The following PCDH15 variants were observed in gnomAD, a reference collection of about 807,000 sequenced individuals.
PCDH15 encodes the protein protocadherin-15.
A neutral mutation model predicts 178.5 loss-of-function variants in PCDH15; 129 were observed. The observed-to-expected ratio is 0.72, with a 90% CI of 0.63 to 0.84. The LOEUF is 0.84. PCDH15 is among the 40% of genes least tolerant of loss of function. PCDH15 has a pLI of 0.00. For missense variants in PCDH15, 2,230 were observed against 2,099.9 expected (o/e 1.06, Z -1.21); for synonymous variants, 800 against 732.0 (o/e 1.09, Z -1.50).
At position 55,442,461 on chromosome 10, in the gene PCDH15, A is replaced by ATATAT. The variant is rs1554869581; in HGVS notation, c.-156+185159_-156+185163dup. ...AGATGTTTTCTTAATTTGATTATAT[A>ATATAT]TATATATATTATATATATATTATAT... On this transcript the variant is annotated intron_variant, in intron 2 of 5. Coordinates refer to the PCDH15 transcript ENST00000613346. 1.1e-4 allele frequency among the ~76,000 whole-genome samples: 8 copies of ATATAT among 72,372 alleles called. No individual in the cohort carries two copies. The South Asian group carries it at 1.4e-3, about 13-fold the overall frequency. 47.5% of individuals were successfully genotyped at this position (72,372 alleles called of 152,430 possible).
chr10:54,374,959 T>G (rs2134896463), intron 4 of PCDH15, among the ~76,000 whole-genome samples: 1 of 152,240 alleles, frequency 6.6e-6, no homozygotes, highest in Non-Finnish European at 1.5e-5. Flanking sequence ...TTTAATTCTA[T>G]TACAGCCATA....
chr10:54,290,143 G>C (rs2059298793), intron 8 of PCDH15, among the ~76,000 whole-genome samples: 1 of 152,180 alleles, frequency 6.6e-6, no homozygotes, highest in Non-Finnish European at 1.5e-5. Flanking sequence ...GGCAGCCAGA[G>C]AGAAAGGTCG....
intron 2 of PCDH15, among the ~76,000 whole-genome samples, chr10:54,609,851 CAGGGCTATTTATA>C (rs1323342782): frequency 6.6e-6 from 1 of 151,826 alleles, no homozygotes; most frequent in African/African-American, 2.4e-5. Flanking sequence ...TATGTGAAGG[CAGGGCTATTTATA>C]ATACATTAGA....
chr10:54,957,722 A>C (rs557118723), intron 2 of PCDH15, among the ~76,000 whole-genome samples: 1 of 151,676 alleles, frequency 6.6e-6, no homozygotes, highest in East Asian at 1.9e-4. Flanking sequence ...TACATCTCCA[A>C]CGTATCCAAT....
At chr10:55,009,935 C>T (rs564689306) in intron 2 of PCDH15, among the ~76,000 whole-genome samples, 9 of 152,128 alleles carry the variant, frequency 5.9e-5, no homozygotes, top group Non-Finnish European at 1.0e-4. Flanking sequence ...ACAAAATGTG[C>T]TGATGTTTCT....
intron 2 of PCDH15, among the ~76,000 whole-genome samples, chr10:55,101,353 C>A (rs1333792838): frequency 1.3e-5 from 2 of 151,518 alleles, no homozygotes; most frequent in Non-Finnish European, 2.9e-5. Context: ...TGTGCCACTG[C>A]ACTCCAGCCT....
intron 13 of PCDH15, among the ~76,000 whole-genome samples, chr10:54,180,987 A>G (rs2047934988): frequency 6.6e-6 from 1 of 152,176 alleles, no homozygotes; most frequent in Admixed American, 6.5e-5. Flanking sequence ...TGATCCCCTA[A>G]GGCAAACATT....
At chr10:55,386,439 T>TA (rs1290122086) in intron 2 of PCDH15, among the ~76,000 whole-genome samples, 2 of 152,046 alleles carry the variant, frequency 1.3e-5, no homozygotes, top group Non-Finnish European at 2.9e-5. Flanking sequence ...AAAATGAAGC[T>TA]ACTTTAAATA....
chr10:54,286,711 C>T (rs539035828), intron 8 of PCDH15, among the ~76,000 whole-genome samples: 2 of 152,184 alleles, frequency 1.3e-5, no homozygotes, highest in African/African-American at 2.4e-5. Context: ...CTGCAACCTC[C>T]GCCTCCTGAG....
chr10:55,066,761 C>A (rs1293045973), intron 2 of PCDH15, among the ~76,000 whole-genome samples: 1 of 150,620 alleles, frequency 6.6e-6, no homozygotes, highest in Non-Finnish European at 1.5e-5. Flanking sequence ...TAAGTTTTCA[C>A]AAATTACATG....
chr10:54,300,033 C>T (rs1458112441), intron 8 of PCDH15, among the ~76,000 whole-genome samples: 2 of 152,150 alleles, frequency 1.3e-5, no homozygotes, highest in East Asian at 1.9e-4. Context: ...CAAGAAATAA[C>T]GAAATCTATC....
At chr10:54,494,616 C>G (rs1477483285) in intron 3 of PCDH15, among the ~76,000 whole-genome samples, 1 of 152,084 alleles carries the variant, frequency 6.6e-6, no homozygotes, top group African/African-American at 2.4e-5. Context: ...CCCTTTCATG[C>G]CACATATAAC....
At chr10:55,603,925 C>T (rs1269203795) in intron 2 of PCDH15, among the ~76,000 whole-genome samples, 2 of 144,642 alleles carry the variant, frequency 1.4e-5, no homozygotes. Context: ...GGACTAAATG[C>T]TCCAATTAAA....
chr10:55,139,222 T>A (rs1030186539), intron 2 of PCDH15, among the ~76,000 whole-genome samples: 1 of 152,060 alleles, frequency 6.6e-6, no homozygotes, highest in African/African-American at 2.4e-5. Context: ...AAAAATCATG[T>A]GTGAGATAGG....
intron 1 of PCDH15, among the ~76,000 whole-genome samples, chr10:55,259,902 CAAAAAAAAAAAAAAAAAAAAA>C (rs749939571): frequency 1.2e-4 from 6 of 52,012 alleles, no homozygotes; most frequent in South Asian, 1.5e-3. Flanking sequence ...AACTCCGTCT[CAAAAAAAAAAAAAAAAAAAAA>C]AAAAAAAAAA....
In PCDH15 at chr10:55,353,598, T is replaced by A. The variant is rs535302422; in HGVS notation, c.-155-186947A>T. On this transcript the variant is annotated intron_variant, in intron 2 of 5. Coordinates refer to the PCDH15 transcript ENST00000613346. Reference sequence around the variant, plus strand: ...TCTCTTTGTCAACTTTAGATCTGCTTGGCCTCACATATTTATCATACCAAC... The same window carrying A: ...TCTCTTTGTCAACTTTAGATCTGCTAGGCCTCACATATTTATCATACCAAC... 4.5e-4 allele frequency among the ~76,000 whole-genome samples: 68 copies of A among 152,206 alleles called. 1 individual carries two copies. Among genetic ancestry groups the A allele is most frequent in the African/African-American group, 1.5e-3 (61 of 41,552 alleles).
At chr10:55,615,927 C>T (rs1208713829) in intron 2 of PCDH15, among the ~76,000 whole-genome samples, 6 of 151,996 alleles carry the variant, frequency 3.9e-5, no homozygotes, top group African/African-American at 1.2e-4. Flanking sequence ...AGAATGTGCA[C>T]AAAAATGTAT....
At chr10:54,903,868 G>C (rs373698138) in intron 2 of PCDH15, among the ~76,000 whole-genome samples, 38 of 152,164 alleles carry the variant, frequency 2.5e-4, no homozygotes, top group African/African-American at 8.7e-4. Context: ...AATATGAAGA[G>C]CGTAGTTCCC....
intron 11 of PCDH15, among the ~76,000 whole-genome samples, chr10:54,194,998 G>C (rs1426654342): frequency 6.6e-6 from 1 of 152,108 alleles, no homozygotes; most frequent in Non-Finnish European, 1.5e-5. Context: ...TCTAATACAT[G>C]ATACCAAAGT....
Sources: gnomAD v4.1 joint callset for allele counts (sites outside exome capture counted in the v4.1 genomes callset) on GRCh38, gnomAD v4.1.1 for gene constraint, MANE v1.5 for transcripts, NCBI Gene and HGNC (gene_info 2026-07-23, HGNC 2026-07-21) for gene names.